ASB15: variants seen among roughly 807,000 people sequenced by gnomAD.
ASB15 encodes ankyrin repeat and SOCS box protein 15.
Under a neutral mutation model 58.0 loss-of-function variants are expected in ASB15, and 54 were observed. The ratio of observed to expected loss-of-function variants is 0.93; its 90% confidence interval spans 0.75 to 1.17. ASB15 has a LOEUF of 1.17. Among genes scored for constraint, ASB15 ranks in the 50% most tolerant of loss-of-function variants. The pLI is 0.00. For synonymous variants in ASB15, 249 were observed against 262.4 expected (o/e 0.95, Z 0.50); for missense variants, 680 against 707.4 (o/e 0.96, Z 0.44).
Position 123,630,001 on chromosome 7 carries a change from C to T in ASB15, c.1476C>T (p.His492=), listed in dbSNP as rs753460790. 2.5e-6 allele frequency: 4 copies of T among 1,600,114 alleles called. No homozygotes were observed. Among genetic ancestry groups the T allele is most frequent in the African/African-American group, 1.3e-5 (1 of 74,630 alleles). ...CEFITVPWMK[H]LVGRVTRVLI... is the part of the protein sequence containing the mutation. ...TTATTACAGTTCCTTGGATGAAGCA[C>T]TTGGTAGGCAGAGTTACTCGTGTAC... is the stretch of plus-strand genomic sequence containing the variant. Residue 492 remains histidine, a synonymous_variant, in exon 11 of 12, where the codon CAC becomes CAT. Coordinates refer to ENST00000451215, the MANE Select transcript of ASB15 (RefSeq NM_001290258.2).
At chr7:123,634,113 AT>A (rs1187622970) in intron 11 of ASB15, among the ~76,000 whole-genome samples, 2 of 152,084 alleles carry the variant, frequency 1.3e-5, no homozygotes, top group East Asian at 3.9e-4. Context: ...AACATTTATC[AT>A]GGTGGTTTGC....
upstream of ASB15, chr7:123,598,826 A>C (rs1048354091): frequency 1.3e-5 from 2 of 152,186 alleles, no homozygotes; most frequent in Admixed American, 1.3e-4. Context: ...TGGCAACTAA[A>C]TGACCAGAGT....
intron 11 of ASB15, among the ~76,000 whole-genome samples, chr7:123,633,804 A>G (rs1223808909): frequency 6.6e-6 from 1 of 152,166 alleles, no homozygotes; most frequent in African/African-American, 2.4e-5. Flanking sequence ...GAAATGGATG[A>G]TTGTATCTGG....
chr7:123,575,979 T>C (rs566275584), intron 1 of ASB15, among the ~76,000 whole-genome samples: 1 of 151,612 alleles, frequency 6.6e-6, no homozygotes, highest in South Asian at 2.1e-4. Flanking sequence ...TCAATTCTTG[T>C]TGGCTTCTAT....
chr7:123,619,489 TCCACGGCA>T (rs2116552834), intron 7 of ASB15, among the ~76,000 whole-genome samples: 1 of 152,204 alleles, frequency 6.6e-6, no homozygotes, highest in South Asian at 2.1e-4. Context: ...GAAGAGGGTC[TCCACGGCA>T]CGGTGTCATT....
chr7:123,599,723 T>C (rs139897807), upstream of ASB15, among the ~76,000 whole-genome samples: 1 of 152,338 alleles, frequency 6.6e-6, no homozygotes, highest in East Asian at 1.9e-4. Context: ...TCATATCAGT[T>C]GCTATAATTA....
intron 1 of ASB15, among the ~76,000 whole-genome samples, chr7:123,574,619 C>T (rs1269464557): frequency 6.6e-6 from 1 of 152,174 alleles, no homozygotes; most frequent in African/African-American, 2.4e-5. Context: ...AGCATCATAT[C>T]TACATTCCCA....
chr7:123,595,897 C>T (rs1799678696), intron 1 of ASB15, among the ~76,000 whole-genome samples: 1 of 152,152 alleles, frequency 6.6e-6, no homozygotes, highest in Admixed American at 6.6e-5. Context: ...AACAGCTTAA[C>T]CAAACCTCAA....
chr7:123,612,218 G>A (rs1434682842), intron 3 of ASB15: 1 of 152,208 alleles, frequency 6.6e-6, no homozygotes, highest in East Asian at 1.9e-4. Context: ...ATCTACTGGT[G>A]CTGGCTGACA....
chr7:123,597,785 C>T (rs1370059066), upstream of ASB15, among the ~76,000 whole-genome samples: 1 of 151,974 alleles, frequency 6.6e-6, no homozygotes, highest in South Asian at 2.1e-4. Context: ...GAGCTGAGAT[C>T]GCACCACTGC....
At chr7:123,581,243 C>A (rs1799227592) in intron 1 of ASB15, among the ~76,000 whole-genome samples, 1 of 151,768 alleles carries the variant, frequency 6.6e-6, no homozygotes, top group Admixed American at 6.6e-5. Context: ...TATGGGAGAT[C>A]TGTAAGCCAC....
chr7:123,614,204 AG>A (rs1378989815), intron 3 of ASB15: 3 of 276,202 alleles, frequency 1.1e-5, no homozygotes, highest in Non-Finnish European at 2.0e-5. Context: ...CTCAGGAAAA[AG>A]TGAATTCTTA....
chr7:123,628,904 A>G lies in ASB15; in HGVS notation c.910A>G (p.Ile304Val), dbSNP rs1041709499. 1.9e-6 allele frequency: 3 copies of G among 1,571,782 alleles called. No homozygotes were observed. The African/African-American group carries it at 4.1e-5, about 21-fold the overall frequency. ...YLIPVTSKNAIRKSGLTPIHS... is the reference protein window; with the variant it reads ...YLIPVTSKNAVRKSGLTPIHS... Reference sequence around the variant, plus strand: ...TATCCCAGTAACATCTAAAAATGCAATTCGGAAAAGTGGGCTAACACCAAT... The same window carrying G: ...TATCCCAGTAACATCTAAAAATGCAGTTCGGAAAAGTGGGCTAACACCAAT... Residue 304 changes from isoleucine to valine, a missense_variant, in exon 10 of 12, where the codon ATT (isoleucine) becomes GTT (valine). Transcript: ENST00000451215.
intron 1 of ASB15, among the ~76,000 whole-genome samples, chr7:123,588,577 C>T (rs1799440933): frequency 7.0e-6 from 1 of 143,608 alleles, no homozygotes. Context: ...CTTCCTTCCT[C>T]CCTTCCTTCC....
At chr7:123,568,524 G>GAAA (rs986950221) in intron 1 of ASB15, among the ~76,000 whole-genome samples, 2 of 87,584 alleles carry the variant, frequency 2.3e-5, no homozygotes, top group Admixed American at 1.2e-4. Flanking sequence ...TCCATCTCAA[G>GAAA]AAAAAAAAAA....
At chr7:123,628,708 C>A (rs1401743038) in intron 9 of ASB15, among the ~76,000 whole-genome samples, 156 bp from the exon 10 acceptor site, 1 of 152,066 alleles carries the variant, frequency 6.6e-6, no homozygotes, top group Non-Finnish European at 1.5e-5. Context: ...AATAGTTGTA[C>A]CTCGGCAGAC....
At chr7:123,567,892 G>A (rs1798803005) in intron 1 of ASB15, among the ~76,000 whole-genome samples, 1 of 151,874 alleles carries the variant, frequency 6.6e-6, no homozygotes, top group Non-Finnish European at 1.5e-5. Context: ...TCACTTGGAT[G>A]TTATCCATCT....
At chr7:123,612,769 C>T (rs1004900376) in intron 3 of ASB15, among the ~76,000 whole-genome samples, 1 of 152,142 alleles carries the variant, frequency 6.6e-6, no homozygotes, top group Non-Finnish European at 1.5e-5. Context: ...TTTCAATGCT[C>T]ACTTATTAAT....
intron 2 of ASB15, among the ~76,000 whole-genome samples, chr7:123,605,492 G>T (rs1223486762): frequency 6.6e-6 from 1 of 152,112 alleles, no homozygotes; most frequent in Non-Finnish European, 1.5e-5. Flanking sequence ...CGCATTTTTG[G>T]ATATACACCC....
Sources: gnomAD v4.1 joint callset for allele counts (sites outside exome capture counted in the v4.1 genomes callset) on GRCh38, gnomAD v4.1.1 for gene constraint, MANE v1.5 for transcripts, NCBI Gene and HGNC (gene_info 2026-07-23, HGNC 2026-07-21) for gene names.